AGBL1: variants seen among roughly 807,000 people sequenced by gnomAD.
AGBL1 encodes cytosolic carboxypeptidase 4.
In AGBL1, 130 loss-of-function variants were observed where a neutral mutation model predicts 118.9. The observed-to-expected ratio is 1.09, with a 90% CI of 0.95 to 1.26. AGBL1 has a LOEUF of 1.26. Among genes scored for constraint, AGBL1 ranks in the 50% most tolerant of loss-of-function variants. AGBL1 has a pLI of 0.00. For synonymous variants in AGBL1, 555 were observed against 478.9 expected (o/e 1.16, Z -2.08); for missense variants, 1,584 against 1,298.1 (o/e 1.22, Z -3.38).
chr15:86,461,868 A>G (rs1369458575), intron 18 of AGBL1, among the ~76,000 whole-genome samples: 3 of 152,060 alleles, frequency 2.0e-5, no homozygotes, highest in Admixed American at 1.3e-4. Context: ...TTCACCCACC[A>G]TGTTTGCTTA....
chr15:86,767,423 T>G (rs2078111276), intron 22 of AGBL1, among the ~76,000 whole-genome samples: 1 of 151,906 alleles, frequency 6.6e-6, no homozygotes, highest in Non-Finnish European at 1.5e-5. Flanking sequence ...TCTAAGAACT[T>G]CAACATTAAG....
At chr15:87,025,427 G>A (rs2081716559) in intron 24 of AGBL1, among the ~76,000 whole-genome samples, 1 of 151,808 alleles carries the variant, frequency 6.6e-6, no homozygotes, top group Non-Finnish European at 1.5e-5. Context: ...AAAAACTTAG[G>A]AATATGCCTA....
chr15:86,533,732 A>G (rs1264537679), intron 19 of AGBL1, among the ~76,000 whole-genome samples: 1 of 115,806 alleles, frequency 8.6e-6, no homozygotes, highest in East Asian at 2.4e-4. Flanking sequence ...ACAATGATAG[A>G]CTGGATTAAG....
chr15:86,944,459 G>A (rs935809163), intron 23 of AGBL1, among the ~76,000 whole-genome samples: 8 of 152,082 alleles, frequency 5.3e-5, no homozygotes, highest in Non-Finnish European at 7.4e-5. Flanking sequence ...GGCACCATTC[G>A]GGGAACATAC....
At chr15:86,741,973 T>C (rs955928745) in intron 22 of AGBL1, among the ~76,000 whole-genome samples, 1 of 144,498 alleles carries the variant, frequency 6.9e-6, no homozygotes, top group African/African-American at 2.7e-5. Context: ...CTTTATCCAC[T>C]GGAGTTTTTT....
chr15:86,746,942 G>A (rs2077765731), intron 22 of AGBL1, among the ~76,000 whole-genome samples: 1 of 152,016 alleles, frequency 6.6e-6, no homozygotes, highest in South Asian at 2.1e-4. Context: ...TTCTGATACT[G>A]TTTAACTATT....
chr15:86,476,688 C>T (rs1214172798), intron 18 of AGBL1, among the ~76,000 whole-genome samples: 3 of 152,130 alleles, frequency 2.0e-5, no homozygotes, highest in Non-Finnish European at 4.4e-5. Flanking sequence ...AGAAAGTTAA[C>T]AAGGATATCC....
intron 22 of AGBL1, among the ~76,000 whole-genome samples, chr15:86,728,508 C>G (rs2086851985): frequency 6.6e-6 from 1 of 152,140 alleles, no homozygotes; most frequent in Non-Finnish European, 1.5e-5. Flanking sequence ...ACCTTTTCGC[C>G]TCCAGCATCT....
intron 1 of AGBL1, among the ~76,000 whole-genome samples, chr15:86,106,683 A>G (rs924562286): frequency 6.6e-6 from 1 of 152,256 alleles, no homozygotes; most frequent in African/African-American, 2.4e-5. Context: ...ACTCGATTCA[A>G]TCAGTCATTT....
At chr15:86,527,149 G>GA (rs1596227297) in intron 19 of AGBL1, among the ~76,000 whole-genome samples, 1 of 152,038 alleles carries the variant, frequency 6.6e-6, no homozygotes, top group Admixed American at 6.5e-5. Context: ...GTCACAATTT[G>GA]AAAAAAGTAT....
Position 86,362,093 on chromosome 15 carries a change from G to T in AGBL1, c.2375-35273G>T, listed in dbSNP as rs531583448. ...TGAGTCCTTTCTTTTTCTCTTTTGT[G>T]TATCAACTAGAGGCTGCCATGAAAT... is the stretch of plus-strand genomic sequence containing the variant. On this transcript the variant is annotated intron_variant, in intron 17 of 22. Transcript: ENST00000614907. 2.6e-5 allele frequency among the ~76,000 whole-genome samples: 4 copies of T among 151,994 alleles called. No homozygotes were observed. In the South Asian group the frequency reaches 8.3e-4, roughly 32 times the overall value.
At chr15:86,524,041 T>C (rs890250276) in intron 19 of AGBL1, among the ~76,000 whole-genome samples, 4 of 152,226 alleles carry the variant, frequency 2.6e-5, no homozygotes, top group Admixed American at 2.6e-4. Flanking sequence ...TTTTTGAACA[T>C]CTACTATGTG....
At chr15:86,401,813 T>C (rs112221450) in intron 18 of AGBL1, among the ~76,000 whole-genome samples, 3,693 of 152,300 alleles carry the variant, frequency 0.024, 60 homozygotes, top group Middle Eastern at 0.068. Context: ...TCTACATGCC[T>C]ATTTTTATGC....
chr15:86,393,138 C>T (rs2081312924), intron 17 of AGBL1, among the ~76,000 whole-genome samples: 1 of 152,144 alleles, frequency 6.6e-6, no homozygotes, highest in African/African-American at 2.4e-5. Flanking sequence ...CCATCGTTGT[C>T]CCCATTTGCT....
intron 17 of AGBL1, among the ~76,000 whole-genome samples, chr15:86,340,713 G>A (rs992960390): frequency 3.9e-5 from 6 of 152,210 alleles, no homozygotes; most frequent in African/African-American, 1.4e-4. Context: ...AGGAAACAAA[G>A]TGGCTTCCTC....
chr15:86,187,760 A>C (rs1280433100), intron 5 of AGBL1, among the ~76,000 whole-genome samples: 1 of 152,192 alleles, frequency 6.6e-6, no homozygotes, highest in Non-Finnish European at 1.5e-5. Flanking sequence ...CTGCTCAACC[A>C]ATGCACTATC....
chr15:86,261,053 G>A (rs1425954820), intron 9 of AGBL1, among the ~76,000 whole-genome samples: 1 of 152,220 alleles, frequency 6.6e-6, no homozygotes, highest in African/African-American at 2.4e-5. Context: ...AAATGAATGG[G>A]TGTGGCTCTT....
At chr15:86,890,185 A>G (rs569823694) in intron 22 of AGBL1, among the ~76,000 whole-genome samples, 1 of 152,330 alleles carries the variant, frequency 6.6e-6, no homozygotes, top group East Asian at 1.9e-4. Flanking sequence ...TGTTGGCTGC[A>G]TGAATGTCTT....
chr15:86,989,599 T>C (rs78816707), intron 24 of AGBL1, among the ~76,000 whole-genome samples: 5,202 of 152,324 alleles, frequency 0.034, 126 homozygotes, highest in Middle Eastern at 0.058. Context: ...CTGGGTGTTC[T>C]GTTAGCATCT....
Sources: gnomAD v4.1 joint callset for allele counts (sites outside exome capture counted in the v4.1 genomes callset) on GRCh38, gnomAD v4.1.1 for gene constraint, MANE v1.5 for transcripts, NCBI Gene and HGNC (gene_info 2026-07-23, HGNC 2026-07-21) for gene names.